Variants in SVEP1 observed in about 807,000 individuals in gnomAD.
SVEP1 encodes sushi, von Willebrand factor type A, EGF and pentraxin domain containing 1.
In SVEP1, 164 loss-of-function variants were observed where a neutral mutation model predicts 367.3. The observed-to-expected ratio is 0.45, with a 90% confidence interval of 0.39 to 0.51. The LOEUF is 0.51. Among genes scored for constraint, SVEP1 ranks in the 20% least tolerant of loss-of-function variants. SVEP1 has a pLI of 0.00. For missense variants in SVEP1, 4,117 were observed against 4,425.3 expected, an observed-to-expected ratio of 0.93 and a Z score of 1.98; for synonymous variants, 1,666 against 1,611.6, an observed-to-expected ratio of 1.03 and a Z score of -0.81.
chr9:110,423,037 G>T (rs1316112779), intron 36 of SVEP1, among the ~76,000 whole-genome samples: 10 of 134,302 alleles, frequency 7.4e-5, no homozygotes, highest in African/African-American at 2.9e-4. Flanking sequence ...ACATTAGTGG[G>T]TGCAGCGCAC....
At chr9:110,370,568 C>T (rs764855640) in intron 46 of SVEP1, among the ~76,000 whole-genome samples, 14 of 152,128 alleles carry the variant, frequency 9.2e-5, no homozygotes, top group Non-Finnish European at 1.3e-4. Flanking sequence ...GGAGAGGAGA[C>T]ATATTTCACG....
At chr9:110,492,244 A>G (rs1419214681) in intron 8 of SVEP1, among the ~76,000 whole-genome samples, 1 of 152,122 alleles carries the variant, frequency 6.6e-6, no homozygotes, top group African/African-American at 2.4e-5. Context: ...CTATGTAAAC[A>G]CATACTCAGT....
At chr9:110,366,743 C>G (rs1170362865) in intron 47 of SVEP1, among the ~76,000 whole-genome samples, 183 bp from the exon 48 acceptor site, 1 of 152,150 alleles carries the variant, frequency 6.6e-6, no homozygotes, top group Non-Finnish European at 1.5e-5. Flanking sequence ...GAAACAAGTG[C>G]TAACTTATGG....
chr9:110,387,497 C>A, intron 41 of SVEP1, 39 bp from the exon 42 acceptor site: 1 of 1,531,424 alleles, frequency 6.5e-7, no homozygotes, highest in East Asian at 2.3e-5. Flanking sequence ...AATTGCTTCC[C>A]CAATTCCTCT....
At position 110,524,717 on chromosome 9, in the gene SVEP1, CT is replaced by C. The variant is rs1254334424; in HGVS notation, c.965-10612del. On this transcript the variant is annotated intron_variant, in intron 3 of 47. Transcript: ENST00000374469. Reference sequence around the variant, plus strand: ...CATACAAATGTTATTATTATTATTACTTTTTTTTTTTTTAAGCAGGGTCTCA... The same window carrying C: ...CATACAAATGTTATTATTATTATTACTTTTTTTTTTTTAAGCAGGGTCTCA... Among the ~76,000 whole-genome samples, 329 of 143,680 alleles carry C rather than the reference CT, an allele frequency of 2.3e-3. 1 individual carries two copies. Among genetic ancestry groups the C allele is most frequent in the African/African-American group, 4.0e-3 (159 of 39,370 alleles). The allele number at this position is 143,680 out of a possible 152,430, so 94.3% of individuals were successfully genotyped here.
chr9:110,425,436 A>G (rs1258972271), intron 36 of SVEP1, among the ~76,000 whole-genome samples: 3 of 152,232 alleles, frequency 2.0e-5, no homozygotes, highest in Non-Finnish European at 4.4e-5. Flanking sequence ...CTTTTCAATG[A>G]CAGAAAAAGT....
chr9:110,541,775 AT>A (rs957709050), intron 3 of SVEP1, among the ~76,000 whole-genome samples: 2 of 147,020 alleles, frequency 1.4e-5, no homozygotes, highest in African/African-American at 5.0e-5. Flanking sequence ...ATATCTATAT[AT>A]ATCTATATAC....
At chr9:110,450,920 C>T (rs1828683606) in intron 23 of SVEP1, among the ~76,000 whole-genome samples, 1 of 152,138 alleles carries the variant, frequency 6.6e-6, no homozygotes, top group African/African-American at 2.4e-5. Flanking sequence ...CTTCACTGGA[C>T]ACTTTCTTGG....
rs573340181 is a variant in SVEP1, at chr9:110,396,497, T to A, written c.9822+4357A>T. ...AGCAGAAGGCAAGAAATAACTAAGA[T>A]CAGAGCAGAACTGAAGGAAATAGAG... is the stretch of plus-strand genomic sequence containing the variant. On this transcript the variant is annotated intron_variant, in intron 40 of 47. Transcript: ENST00000374469. 4.2e-3 allele frequency among the ~76,000 whole-genome samples: 636 copies of A among 151,844 alleles called. 3 individuals are homozygous for A. Among genetic ancestry groups the A allele is most frequent in the African/African-American group, 0.015 (604 of 41,358 alleles).
intron 33 of SVEP1, 42 bp downstream of exon 33, chr9:110,430,232 G>T: frequency 6.4e-7 from 1 of 1,569,958 alleles, no homozygotes; most frequent in Non-Finnish European, 8.7e-7. Flanking sequence ...ACCTTTCTAG[G>T]ATTGCCAAAC....
At chr9:110,512,317 T>A (rs1829731012) in intron 5 of SVEP1, among the ~76,000 whole-genome samples, 1 of 152,020 alleles carries the variant, frequency 6.6e-6, no homozygotes, top group Non-Finnish European at 1.5e-5. Flanking sequence ...TTGTAAGAAG[T>A]AGGAAAGTAG....
At chr9:110,394,579 A>C (rs1362379012) in intron 40 of SVEP1, among the ~76,000 whole-genome samples, 2 of 152,222 alleles carry the variant, frequency 1.3e-5, no homozygotes, top group Non-Finnish European at 2.9e-5. Context: ...GTTCAAACGA[A>C]TGGCAAAGAA....
intron 3 of SVEP1, among the ~76,000 whole-genome samples, chr9:110,516,212 T>C (rs1341494090): frequency 2.0e-5 from 3 of 149,918 alleles, no homozygotes; most frequent in African/African-American, 7.3e-5. Context: ...AAAAATATAA[T>C]ATACTAAAAC....
chr9:110,390,647 C>T (rs530986083), intron 40 of SVEP1, among the ~76,000 whole-genome samples: 13 of 151,836 alleles, frequency 8.6e-5, no homozygotes, highest in African/African-American at 2.9e-4. Flanking sequence ...TAGTGAACTC[C>T]ACTGATTATA....
At chr9:110,470,292 T>C (rs1407723722) in intron 16 of SVEP1, among the ~76,000 whole-genome samples, 2 of 152,128 alleles carry the variant, frequency 1.3e-5, no homozygotes, top group African/African-American at 2.4e-5. Context: ...TGCACACCAT[T>C]GTGAATGTAC....
chr9:110,578,803 C>G (rs12237289), intron 1 of SVEP1, among the ~76,000 whole-genome samples: 1 of 152,004 alleles, frequency 6.6e-6, no homozygotes, highest in South Asian at 2.1e-4. Flanking sequence ...GCCTGACATC[C>G]CTCTAAGCGT....
rs114134210 is a variant in SVEP1 at position 110,553,698 on chromosome 9, C to T, written c.532-3594G>A. Among the ~76,000 whole-genome samples, 886 of 152,266 alleles carry T rather than the reference C, an allele frequency of 5.8e-3. 4 individuals are homozygous for T. The highest frequency in any genetic ancestry group is 0.02 in the African/African-American group (837 of 41,536). On this transcript the variant is annotated intron_variant, in intron 1 of 47. Transcript: ENST00000374469. ...AGCCCAGTCTTCTCCCTAACTGTAA[C>T]TTCCTTGAAGGCAGGTATTTTTGTG...
intron 18 of SVEP1, among the ~76,000 whole-genome samples, chr9:110,461,241 T>A (rs1251505402): frequency 6.6e-6 from 1 of 152,160 alleles, no homozygotes; most frequent in Non-Finnish European, 1.5e-5. Flanking sequence ...GGGGACAGAG[T>A]ACTCATGACT....
chr9:110,512,268 C>A (rs1588087150), intron 5 of SVEP1, among the ~76,000 whole-genome samples: 2 of 152,198 alleles, frequency 1.3e-5, no homozygotes, highest in South Asian at 4.2e-4. Context: ...CCTCTTCTAA[C>A]CCTACTTGTA....
Sources: gnomAD v4.1 joint callset for allele counts (sites outside exome capture counted in the v4.1 genomes callset) on GRCh38, gnomAD v4.1.1 for gene constraint, MANE v1.5 for transcripts, NCBI Gene and HGNC (gene_info 2026-07-23, HGNC 2026-07-21) for gene names.